The following LDLRAD4 variants were observed in gnomAD, a reference collection of about 807,000 sequenced individuals.
LDLRAD4 encodes low-density lipoprotein receptor class A domain-containing protein 4.
Under a neutral mutation model 17.0 loss-of-function variants are expected in LDLRAD4, and 5 were observed. The observed-to-expected ratio is 0.29, with a 90% confidence interval of 0.15 to 0.62. The LOEUF (loss-of-function observed/expected upper bound fraction) is 0.62. Among genes scored for constraint, LDLRAD4 ranks in the 20% least tolerant of loss-of-function variants. LDLRAD4 has a pLI of 0.84. For synonymous variants in LDLRAD4, 168 were observed against 171.8 expected, an observed-to-expected ratio of 0.98 and a Z score of 0.17; for missense variants, 340 against 424.7, an observed-to-expected ratio of 0.80 and a Z score of 1.75.
chr18:13,530,619 C>T (rs1161265930), intron 3 of LDLRAD4, among the ~76,000 whole-genome samples: 5 of 152,210 alleles, frequency 3.3e-5, no homozygotes, highest in African/African-American at 4.8e-5. Flanking sequence ...GCTGGCTCAG[C>T]GAGGCACCCT....
chr18:13,223,813 C>G (rs1230572898), intron 1 of LDLRAD4, among the ~76,000 whole-genome samples: 1 of 152,214 alleles, frequency 6.6e-6, no homozygotes, highest in Admixed American at 6.5e-5. Flanking sequence ...GTCCTCCTGC[C>G]ATCTGCATGT....
chr18:13,484,846 G>A (rs1254056481), intron 3 of LDLRAD4, among the ~76,000 whole-genome samples: 1 of 152,128 alleles, frequency 6.6e-6, no homozygotes, highest in Admixed American at 6.5e-5. Flanking sequence ...AAATATCCCT[G>A]GTGGTTATAC....
intron 3 of LDLRAD4, among the ~76,000 whole-genome samples, chr18:13,449,904 G>A (rs1271109953): frequency 1.3e-5 from 2 of 152,304 alleles, no homozygotes; most frequent in East Asian, 3.9e-4. Flanking sequence ...TCTCTGTCAT[G>A]GGGCCGGGGT....
intron 3 of LDLRAD4, among the ~76,000 whole-genome samples, chr18:13,586,884 A>G (rs1215449159): frequency 1.3e-5 from 2 of 151,924 alleles, no homozygotes; most frequent in Admixed American, 1.3e-4. Context: ...AAAAAGGAAA[A>G]AAAAATAGGG....
chr18:13,523,802 T>G (rs2093989049), intron 3 of LDLRAD4, among the ~76,000 whole-genome samples: 1 of 152,146 alleles, frequency 6.6e-6, no homozygotes, highest in African/African-American at 2.4e-5. Flanking sequence ...CTCTCCCTGG[T>G]GACACGAACC....
chr18:13,638,250 G>A (rs1236084303), intron 4 of LDLRAD4, among the ~76,000 whole-genome samples: 2 of 152,120 alleles, frequency 1.3e-5, no homozygotes, highest in Admixed American at 6.5e-5. Context: ...TCCAGCCTGG[G>A]CAACATAGAC....
intron 3 of LDLRAD4, among the ~76,000 whole-genome samples, chr18:13,483,826 C>G (rs1237873527): frequency 6.6e-6 from 1 of 152,166 alleles, no homozygotes; most frequent in East Asian, 1.9e-4. Flanking sequence ...GCAGTACTCA[C>G]TAGCGCTCCG....
intron 3 of LDLRAD4, among the ~76,000 whole-genome samples, chr18:13,498,329 T>C (rs1427576761): frequency 4.2e-5 from 6 of 142,648 alleles, no homozygotes; most frequent in Admixed American, 7.0e-5. Flanking sequence ...CGTCCTGCCG[T>C]GGACACTGGA....
chr18:13,582,661 G>C (rs985895295), intron 3 of LDLRAD4, among the ~76,000 whole-genome samples: 2 of 152,162 alleles, frequency 1.3e-5, no homozygotes. Flanking sequence ...TCTGCTCCTG[G>C]GTGGCTCGCC....
intron 1 of LDLRAD4, among the ~76,000 whole-genome samples, chr18:13,342,432 T>C (rs1258796158): frequency 6.6e-6 from 1 of 151,224 alleles, no homozygotes; most frequent in Admixed American, 6.6e-5. Context: ...TATTTGGATG[T>C]TCTGTTTCTT....
At chr18:13,568,325 C>T (rs942265077) in intron 3 of LDLRAD4, among the ~76,000 whole-genome samples, 4 of 151,602 alleles carry the variant, frequency 2.6e-5, no homozygotes, top group Non-Finnish European at 5.9e-5. Context: ...AACAAGTTTG[C>T]AGAAGGCAGC....
Position 13,598,970 on chromosome 18 carries a change from G to T in LDLRAD4, c.182-22147G>T, listed in dbSNP as rs576329344. ...GAATGAACTGGGCTAGAAGCAGTTG[G>T]GACCATGCTATCATTAGCCTGCCAT... On this transcript the variant is annotated intron_variant, in intron 3 of 5. Transcript: ENST00000359446. 6.6e-5 allele frequency among the ~76,000 whole-genome samples: 10 copies of T among 152,310 alleles called. No individual in the cohort carries two copies. In the East Asian group the frequency reaches 1.7e-3, roughly 26 times the overall value.
intron 3 of LDLRAD4, among the ~76,000 whole-genome samples, chr18:13,539,259 G>A (rs2094241736): frequency 6.6e-6 from 1 of 152,190 alleles, no homozygotes. Context: ...GACTGTGTGA[G>A]CGCAAGGACC....
At chr18:13,461,670 A>G (rs1300848115) in intron 3 of LDLRAD4, among the ~76,000 whole-genome samples, 1 of 152,150 alleles carries the variant, frequency 6.6e-6, no homozygotes, top group Admixed American at 6.5e-5. Flanking sequence ...ACCCTATGTA[A>G]ATTAACTAGT....
At chr18:13,438,438 T>G (rs963902685) in intron 3 of LDLRAD4, 54 bp downstream of exon 4, 1 of 1,502,852 alleles carries the variant, frequency 6.7e-7, no homozygotes, top group African/African-American at 1.4e-5. Context: ...CTGAAACGGT[T>G]AGGAGGTGGG....
chr18:13,644,508 C>T (rs2042893512), intron 5 of LDLRAD4, among the ~76,000 whole-genome samples: 1 of 147,008 alleles, frequency 6.8e-6, no homozygotes, highest in South Asian at 2.1e-4. Context: ...GTTAAGGTTG[C>T]AATAAGCCAA....
intron 3 of LDLRAD4, among the ~76,000 whole-genome samples, chr18:13,609,019 G>A (rs1054840374): frequency 8.3e-5 from 6 of 72,326 alleles, no homozygotes; most frequent in African/African-American, 2.1e-4. Flanking sequence ...AGATGCGTTG[G>A]TGACTGCACA....
chr18:13,568,732 G>T (rs2094641585), intron 3 of LDLRAD4, among the ~76,000 whole-genome samples: 1 of 152,116 alleles, frequency 6.6e-6, no homozygotes, highest in South Asian at 2.1e-4. Context: ...TATAATTTAG[G>T]GTCTCTGTAT....
intron 3 of LDLRAD4, among the ~76,000 whole-genome samples, chr18:13,576,290 C>T (rs542462808): frequency 4.1e-4 from 63 of 151,982 alleles, no homozygotes; most frequent in Middle Eastern, 6.8e-3. Flanking sequence ...GGCATGGTGG[C>T]GGGCGCCTGT....
Sources: gnomAD v4.1 joint callset for allele counts (sites outside exome capture counted in the v4.1 genomes callset) on GRCh38, gnomAD v4.1.1 for gene constraint, MANE v1.5 for transcripts, NCBI Gene and HGNC (gene_info 2026-07-23, HGNC 2026-07-21) for gene names.